INCENP: variants seen among roughly 807,000 people sequenced by gnomAD.
INCENP encodes the protein inner centromere protein, also known as binds and activates aurora-B and -C in vivo and in vitro.
In INCENP, 43 loss-of-function variants were observed where a neutral mutation model predicts 107.3. The observed-to-expected ratio is 0.40, with a 90% CI of 0.31 to 0.52. The LOEUF is 0.52. INCENP is among the 20% of genes least tolerant of loss of function. The pLI is 0.53. For missense variants in INCENP, 1,089 were observed against 1,250.9 expected (o/e 0.87, Z 1.95); for synonymous variants, 488 against 494.4 (o/e 0.99, Z 0.17).
Position 62,145,755 on chromosome 11 carries a change from C to T in INCENP, c.1959+4C>T. 1.3e-6 allele frequency: 2 copies of T among 1,550,846 alleles called. No homozygotes were observed. The highest frequency in any genetic ancestry group is 1.4e-5 in the African/African-American group (1 of 73,242). Reference sequence around the variant, plus strand: ...TAGGCTCAGGTGGCTGCAGCAGGTGCGAGCACAGGTGGGCCTCAGGGAGGA... The same window carrying T: ...TAGGCTCAGGTGGCTGCAGCAGGTGTGAGCACAGGTGGGCCTCAGGGAGGA... On this transcript the variant is annotated splice_donor_region_variant and intron_variant, in intron 14 of 18. Coordinates refer to ENST00000394818, the MANE Select transcript of INCENP (RefSeq NM_001040694.2).
chr11:62,125,021 TG>T (rs1257010925), intron 1 of INCENP, among the ~76,000 whole-genome samples: 2 of 152,218 alleles, frequency 1.3e-5, no homozygotes, highest in Non-Finnish European at 2.9e-5. Context: ...AGGAGGACGA[TG>T]GGGCCTTCAG....
Position 62,128,241 on chromosome 11 carries a change from A to G in INCENP, c.80A>G (p.Asp27Gly), listed in dbSNP as rs761426514. 1 of 1,614,042 alleles carries G rather than the reference A, an allele frequency of 6.2e-7. No homozygotes were observed. The highest frequency in any genetic ancestry group is 2.2e-5 in the East Asian group (1 of 44,900). The change falls in exon 2 of 19, where the codon GAT (aspartate) becomes GGT (glycine). Residue 27 changes from aspartate (D) to glycine (G), a missense_variant. Physicochemically the swap from Asp to Gly is moderately conservative, Grantham distance 94. Coordinates refer to ENST00000394818, the MANE Select transcript of INCENP (RefSeq NM_001040694.2). ...QKLMEFLCNM[D>G]NKDLVWLEEI... ...CTCATGGAGTTTCTCTGCAACATGG[A>G]TAATAAGGACTTGGTGTGGCTTGAG...
chr11:62,135,473 A>C (rs1324866125), intron 4 of INCENP, among the ~76,000 whole-genome samples: 1 of 152,038 alleles, frequency 6.6e-6, no homozygotes, highest in Non-Finnish European at 1.5e-5. Context: ...CCATGTTGCC[A>C]GGCTGGTCTC....
chr11:62,129,448 G>A lies in INCENP; in HGVS notation c.255-334G>A, dbSNP rs1013997372. On this transcript the variant is annotated intron_variant, in intron 3 of 18. Coordinates refer to ENST00000394818, the MANE Select transcript of INCENP (RefSeq NM_001040694.2). ...ATAGTGGTCTCTGCCTCTCAAGGGC[G>A]TGCTCTGGATTAAGGCAGAGCGTGT... is the stretch of plus-strand genomic sequence containing the variant. Among the ~76,000 whole-genome samples the A allele has an allele frequency of 3.9e-5, 6 of 152,200 alleles. No individual in the cohort carries two copies. The South Asian group carries it at 6.2e-4, about 16-fold the overall frequency.
At chr11:62,143,619 T>C (rs886487518) in intron 11 of INCENP, among the ~76,000 whole-genome samples, 1 of 152,152 alleles carries the variant, frequency 6.6e-6, no homozygotes, top group Non-Finnish European at 1.5e-5. Flanking sequence ...ATCTTACCCG[T>C]TCCCGGGACC....
chr11:62,128,074 G>T, intron 1 of INCENP, 77 bp from the exon 2 acceptor site: 9 of 1,468,536 alleles, frequency 6.1e-6, no homozygotes, highest in Non-Finnish European at 8.5e-6. Context: ...GGGTCAGGTG[G>T]GTATTGCAGC....
At chr11:62,151,704 G>T in intron 18 of INCENP, 58 bp from the exon 19 acceptor site, 1 of 1,451,210 alleles carries the variant, frequency 6.9e-7, no homozygotes, top group South Asian at 1.2e-5. Flanking sequence ...TGGTGGGCAA[G>T]GGATGGGGAG....
intron 11 of INCENP, among the ~76,000 whole-genome samples, chr11:62,143,058 CTT>C (rs1214588470): frequency 6.6e-6 from 1 of 152,040 alleles, no homozygotes; most frequent in Non-Finnish European, 1.5e-5. Flanking sequence ...TTTGGCCACA[CTT>C]TTGGGATCAC....
chr11:62,128,561 G>A (rs1187682698), intron 2 of INCENP, among the ~76,000 whole-genome samples: 3 of 152,216 alleles, frequency 2.0e-5, no homozygotes, highest in East Asian at 1.9e-4. Context: ...ATGGACGTGC[G>A]CCTGGGAGCT....
chr11:62,145,896 G>C, intron 14 of INCENP, 145 bp downstream of exon 14: 3 of 1,025,330 alleles, frequency 2.9e-6, no homozygotes, highest in East Asian at 2.7e-5. Context: ...TTTCCCAGAA[G>C]TCTCCAGGGC....
In INCENP at chr11:62,148,774, G is replaced by A; in HGVS notation, c.2319G>A (p.Gln773=). The change falls in exon 17 of 19, where the codon CAG becomes CAA. Residue 773 remains glutamine (Q), a synonymous_variant. Coordinates refer to ENST00000394818, the MANE Select transcript of INCENP (RefSeq NM_001040694.2). ...EQQRLAERQL[Q]EEQEKKAKEA... ...AGCGTCTGGCTGAGCGGCAGCTGCA[G>A]GAGGAGCAAGAGAAGAAAGCCAAGG... The A allele has an allele frequency of 6.2e-7, 1 of 1,604,758 alleles. No homozygotes were observed. Among genetic ancestry groups the A allele is most frequent in the South Asian group, 1.1e-5 (1 of 89,574 alleles).
Position 62,130,439 on chromosome 11 carries a change from G to C in INCENP, c.912G>C (p.Arg304=), listed in dbSNP as rs113600886. 3 of 1,613,816 alleles carry C rather than the reference G, an allele frequency of 1.9e-6. No individual in the cohort carries two copies. In the East Asian group the frequency reaches 6.7e-5, roughly 36 times the overall value. Reference sequence around the variant, plus strand: ...CTCGCACGGACTCTCAATCGGTGCGGCACAGCCCGATCGCCCCGTCTTCCC... The same window carrying C: ...CTCGCACGGACTCTCAATCGGTGCGCCACAGCCCGATCGCCCCGTCTTCCC... ...TGSRTDSQSV[R]HSPIAPSSPS... The change falls in exon 4 of 19, where the codon CGG becomes CGC. Residue 304 remains arginine, a synonymous_variant. Transcript: ENST00000394818.
chr11:62,144,961 C>G (rs1045429457), intron 11 of INCENP, 21 bp from the exon 12 acceptor site: 3 of 1,582,944 alleles, frequency 1.9e-6, no homozygotes, highest in Non-Finnish European at 8.6e-7. Flanking sequence ...GTCCCATCTC[C>G]CTCGCTCCCC....
intron 5 of INCENP, among the ~76,000 whole-genome samples, chr11:62,138,493 T>C (rs1298748168): frequency 6.6e-6 from 1 of 152,156 alleles, no homozygotes; most frequent in Admixed American, 6.5e-5. Flanking sequence ...GCCAGGGAGA[T>C]GAAGCCACAT....
intron 7 of INCENP, 94 bp downstream of exon 7, chr11:62,139,099 C>T: frequency 2.3e-6 from 2 of 861,590 alleles, no homozygotes; most frequent in Non-Finnish European, 3.9e-6. Context: ...AAGGAAGCCC[C>T]ATTTTCTGGG....
At chr11:62,141,372 T>A in intron 10 of INCENP, 128 bp from the exon 11 acceptor site, 2 of 1,198,798 alleles carry the variant, frequency 1.7e-6, no homozygotes, top group Non-Finnish European at 2.5e-6. Context: ...GGAGAGGCGG[T>A]GGGGGTGCTG....
intron 5 of INCENP, among the ~76,000 whole-genome samples, chr11:62,138,241 G>A (rs1025275821): frequency 2.6e-5 from 4 of 152,194 alleles, no homozygotes; most frequent in Non-Finnish European, 4.4e-5. Context: ...CCAGGACACA[G>A]ACTCCTTTTC....
At position 62,151,988 on chromosome 11, in the gene INCENP, G is replaced by A. The variant is rs756479179; in HGVS notation, c.*12G>A. On this transcript the variant is annotated 3_prime_UTR_variant, in exon 19 of 19. Coordinates refer to ENST00000394818, the MANE Select transcript of INCENP (RefSeq NM_001040694.2). ...TGAAGAAGCACTGAGGCTGGCCTGC[G>A]GCCTTCTTGGCAGCCTCGCCTCCTG... is the stretch of plus-strand genomic sequence containing the variant. 8.8e-6 allele frequency: 14 copies of A among 1,595,058 alleles called. No individual in the cohort carries two copies. The highest frequency in any genetic ancestry group is 4.5e-5 in the East Asian group (2 of 44,780).
Position 62,145,734 on chromosome 11 carries a change from C to T in INCENP, c.1942C>T (p.Leu648Phe), listed in dbSNP as rs778882631. 6 of 1,553,898 alleles carry T rather than the reference C, an allele frequency of 3.9e-6. No individual in the cohort carries two copies. The South Asian group carries it at 4.7e-5, about 12-fold the overall frequency. ...GAAGCAGGAAGAGGAGGCACGTAGG[C>T]TCAGGTGGCTGCAGCAGGTGCGAGC... is the stretch of plus-strand genomic sequence containing the variant. ...RRKQEEEARR[L>F]RWLQQEEEER... The change falls in exon 14 of 19, where the codon CTC becomes TTC. Residue 648 changes from leucine to phenylalanine, a missense_variant. Leu to Phe is a conservative substitution (Grantham distance 22). Coordinates refer to ENST00000394818, the MANE Select transcript of INCENP (RefSeq NM_001040694.2).
Sources: allele counts gnomAD v4.1 joint callset (sites outside exome capture counted in the v4.1 genomes callset), GRCh38; gene constraint gnomAD v4.1.1; transcripts MANE v1.5; gene names NCBI Gene and HGNC (gene_info 2026-07-23, HGNC 2026-07-21).